KCTD8: variants seen among roughly 807,000 people sequenced by gnomAD.
KCTD8 encodes potassium channel tetramerization domain containing 8, also known as BTB/POZ domain-containing protein KCTD8.
In KCTD8, 27 loss-of-function variants were observed where a neutral mutation model predicts 31.5. That is an observed-to-expected ratio of 0.86 (90% CI 0.63 to 1.18). The LOEUF is 1.18. Among genes scored for constraint, KCTD8 ranks in the 50% most tolerant of loss-of-function variants. The pLI is 0.00. For missense variants in KCTD8, 658 were observed against 647.7 expected (o/e 1.02, Z -0.17); for synonymous variants, 290 against 280.0 (o/e 1.04, Z -0.36).
chr4:44,258,094 G>T (rs770319051), intron 1 of KCTD8, among the ~76,000 whole-genome samples: 11 of 152,114 alleles, frequency 7.2e-5, no homozygotes, highest in African/African-American at 1.2e-4. Context: ...AACACAGAAT[G>T]AAATAAGATA....
At chr4:44,197,165 T>G (rs1047796456) in intron 1 of KCTD8, among the ~76,000 whole-genome samples, 1 of 151,880 alleles carries the variant, frequency 6.6e-6, no homozygotes, top group Non-Finnish European at 1.5e-5. Flanking sequence ...ACTCATTGGT[T>G]TGGGTAATGT....
intron 1 of KCTD8, among the ~76,000 whole-genome samples, chr4:44,288,975 G>T (rs957742181): frequency 4.0e-5 from 6 of 151,288 alleles, no homozygotes; most frequent in African/African-American, 1.2e-4. Context: ...TTTTAAAAAT[G>T]ATACAGGTTA....
rs540994154 is a variant in KCTD8, at chr4:44,323,417, G to A, written c.961+124146C>T. 6.2e-4 allele frequency among the ~76,000 whole-genome samples: 94 copies of A among 151,458 alleles called. 4 individuals carry two copies. Among genetic ancestry groups the A allele is most frequent in the African/African-American group, 2.2e-3 (89 of 41,168 alleles). On this transcript the variant is annotated intron_variant, in intron 1 of 1. Transcript: ENST00000360029. Reference sequence around the variant, plus strand: ...GCTGAAGTAGGAGAATCCCTTGAACGTAGGAGGCAGAGGTTGCAGTGAGCT... The same window carrying A: ...GCTGAAGTAGGAGAATCCCTTGAACATAGGAGGCAGAGGTTGCAGTGAGCT...
At chr4:44,414,168 GA>G (rs1358745465) in intron 1 of KCTD8, among the ~76,000 whole-genome samples, 1 of 150,900 alleles carries the variant, frequency 6.6e-6, no homozygotes, top group Non-Finnish European at 1.5e-5. Flanking sequence ...GCAGCAATAA[GA>G]AACTAGTATA....
At chr4:44,365,198 CTGCACAA>C (rs1719599826) in intron 1 of KCTD8, among the ~76,000 whole-genome samples, 1 of 152,060 alleles carries the variant, frequency 6.6e-6, no homozygotes, top group East Asian at 1.9e-4. Context: ...CCTGTATTTA[CTGCACAA>C]TGTTTCTGTA....
At chr4:44,402,928 A>T (rs538214342) in intron 1 of KCTD8, among the ~76,000 whole-genome samples, 59 of 152,330 alleles carry the variant, frequency 3.9e-4, no homozygotes, top group Admixed American at 1.7e-3. Context: ...CAAAGGAATG[A>T]ACTAAAGATG....
chr4:44,365,648 T>C (rs528601584), intron 1 of KCTD8, among the ~76,000 whole-genome samples: 6 of 152,284 alleles, frequency 3.9e-5, no homozygotes, highest in African/African-American at 1.2e-4. Flanking sequence ...CAGTGTGGGA[T>C]AGAGGACAGT....
intron 1 of KCTD8, among the ~76,000 whole-genome samples, chr4:44,415,884 G>A (rs996701947): frequency 7.2e-5 from 11 of 152,202 alleles, no homozygotes; most frequent in African/African-American, 2.7e-4. Flanking sequence ...TGGACCCACA[G>A]AGTCCCCACC....
intron 1 of KCTD8, among the ~76,000 whole-genome samples, chr4:44,406,838 T>G (rs1047604984): frequency 1.3e-5 from 2 of 152,206 alleles, no homozygotes; most frequent in African/African-American, 4.8e-5. Flanking sequence ...GTCCTCAAAT[T>G]TACATGTTGT....
intron 1 of KCTD8, among the ~76,000 whole-genome samples, chr4:44,179,390 C>A (rs1300558904): frequency 6.6e-6 from 1 of 150,878 alleles, no homozygotes; most frequent in Admixed American, 6.6e-5. Flanking sequence ...AAAAGGGGAA[C>A]CTGAATTTAC....
At chr4:44,340,578 G>T (rs1440511383) in intron 1 of KCTD8, among the ~76,000 whole-genome samples, 1 of 151,826 alleles carries the variant, frequency 6.6e-6, no homozygotes, top group African/African-American at 2.4e-5. Context: ...CAAAGTGCTG[G>T]GATTACAGGC....
At chr4:44,324,963 T>C (rs201344754) in intron 1 of KCTD8, among the ~76,000 whole-genome samples, 17 of 152,014 alleles carry the variant, frequency 1.1e-4, no homozygotes, top group Non-Finnish European at 2.4e-4. Flanking sequence ...ACCAGTGATA[T>C]AGCTGCCAAC....
intron 1 of KCTD8, among the ~76,000 whole-genome samples, chr4:44,186,457 A>G (rs765657565): frequency 2.0e-5 from 3 of 152,228 alleles, no homozygotes; most frequent in Non-Finnish European, 4.4e-5. Flanking sequence ...ACACTGGGAT[A>G]CAGAAAGCCC....
chr4:44,266,718 A>AG (rs1158352478), intron 1 of KCTD8, among the ~76,000 whole-genome samples: 1 of 151,966 alleles, frequency 6.6e-6, no homozygotes, highest in Non-Finnish European at 1.5e-5. Flanking sequence ...GCAAATGGAA[A>AG]ACAAAAAAAG....
chr4:44,398,230 G>A (rs757439595), intron 1 of KCTD8, among the ~76,000 whole-genome samples: 23 of 152,242 alleles, frequency 1.5e-4, no homozygotes, highest in Middle Eastern at 3.4e-3. Flanking sequence ...TTAGTTCTCC[G>A]AAGTAACTTT....
chr4:44,224,407 T>C (rs952078513), intron 1 of KCTD8, among the ~76,000 whole-genome samples: 1 of 152,226 alleles, frequency 6.6e-6, no homozygotes, highest in African/African-American at 2.4e-5. Context: ...CCTCAATGCC[T>C]TATTCATTAT....
chr4:44,385,785 G>A (rs1720197327), intron 1 of KCTD8, among the ~76,000 whole-genome samples: 1 of 151,572 alleles, frequency 6.6e-6, no homozygotes, highest in Non-Finnish European at 1.5e-5. Flanking sequence ...AATGAGGGAA[G>A]TATCTTCAAA....
At chr4:44,329,951 C>A (rs567322170) in intron 1 of KCTD8, among the ~76,000 whole-genome samples, 2 of 151,990 alleles carry the variant, frequency 1.3e-5, no homozygotes, top group South Asian at 4.1e-4. Flanking sequence ...CTGGAATTCA[C>A]AAGGAATACC....
At chr4:44,274,773 ATCT>A (rs1406021616) in intron 1 of KCTD8, among the ~76,000 whole-genome samples, 7 of 151,956 alleles carry the variant, frequency 4.6e-5, no homozygotes, top group Admixed American at 4.6e-4. Flanking sequence ...AATACATTGT[ATCT>A]TCTTTCTAAA....
Sources: allele counts gnomAD v4.1 joint callset (sites outside exome capture counted in the v4.1 genomes callset), GRCh38; gene constraint gnomAD v4.1.1; transcripts MANE v1.5; gene names NCBI Gene and HGNC (gene_info 2026-07-23, HGNC 2026-07-21).